Variants in PKN2 observed in about 807,000 individuals in gnomAD.
PKN2 encodes protein kinase N2.
A neutral mutation model predicts 119.1 loss-of-function variants in PKN2; 38 were observed. The observed-to-expected ratio is 0.32, with a 90% confidence interval of 0.25 to 0.42. The LOEUF is 0.42. Ranked by LOEUF, PKN2 falls within the 10% of genes least tolerant of loss-of-function variation. PKN2 has a pLI of 1.00. For synonymous variants in PKN2, 390 were observed against 384.9 expected (o/e 1.01, Z -0.15); for missense variants, 850 against 1,165.1 (o/e 0.73, Z 3.94).
At chr1:88,732,985 GAGAGGACGAGAGGGGAGC>G (rs1668201685) in intron 1 of PKN2, among the ~76,000 whole-genome samples, 1 of 152,140 alleles carries the variant, frequency 6.6e-6, no homozygotes, top group African/African-American at 2.4e-5. Flanking sequence ...TGGTAGTTAT[GAGAGGACGAGAGGGGAGC>G]AGGGAAAAAC....
chr1:88,822,151 G>T (rs1230395045), intron 17 of PKN2, 148 bp downstream of exon 17: 6 of 695,728 alleles, frequency 8.6e-6, no homozygotes, highest in Non-Finnish European at 1.3e-5. Flanking sequence ...GTTGAAAGAC[G>T]TGGTTAGCAC....
At position 88,710,846 on chromosome 1, in the gene PKN2, C is replaced by T. The variant is rs116282898; in HGVS notation, c.48+26218C>T. On this transcript the variant is annotated intron_variant, in intron 1 of 21. Transcript: ENST00000370521. Reference sequence around the variant, plus strand: ...TCATTCTATTATAAAGACACATTCACGCATATGTTCATTGCAGCACTGTTC... The same window carrying T: ...TCATTCTATTATAAAGACACATTCATGCATATGTTCATTGCAGCACTGTTC... Among the ~76,000 whole-genome samples the T allele has an allele frequency of 5.9e-3, 902 of 152,258 alleles. 7 individuals carry two copies. Among genetic ancestry groups the T allele is most frequent in the East Asian group, 0.035 (184 of 5,184 alleles).
At position 88,832,604 on chromosome 1, in the gene PKN2, T is replaced by TTTCTTGTTG. The variant is rs1275039316; in HGVS notation, c.2563-138_2563-137insCTTGTTGTT. The stretch of plus-strand genomic sequence containing the variant: ...TTGTTGTTGTTTTGGTAGGCATGGG[T>TTTCTTGTTG]TTATTGTTGTTGTTGTTGTTGTTGT... On this transcript the variant is annotated intron_variant, in intron 19 of 21. Coordinates refer to ENST00000370521, the MANE Select transcript of PKN2 (RefSeq NM_006256.4). 5 of 567,264 alleles carry TTTCTTGTTG rather than the reference T, an allele frequency of 8.8e-6. No individual in the cohort carries two copies. The African/African-American group carries it at 1.1e-4, about 12-fold the overall frequency. The allele number at this position is 567,264 out of a possible 1,614,324, so 35.1% of individuals were successfully genotyped here. A position where few individuals can be genotyped will look rare whatever the true frequency, so the allele number is the denominator to read the frequency against.
At chr1:88,793,080 G>A (rs1670911638) in intron 8 of PKN2, among the ~76,000 whole-genome samples, 1 of 152,120 alleles carries the variant, frequency 6.6e-6, no homozygotes. Context: ...AGCATTAGGA[G>A]GTGGCTACAA....
chr1:88,691,680 G>C lies in PKN2; in HGVS notation c.48+7052G>C, dbSNP rs543010538. 2.6e-5 allele frequency among the ~76,000 whole-genome samples: 4 copies of C among 152,070 alleles called. No individual in the cohort carries two copies. In the South Asian group the frequency reaches 8.3e-4, roughly 32 times the overall value. ...TCTATTTCCACCTTCTTGTCATCTA[G>C]GTCATCATTTTTGAGTCCTGTGTTC... On this transcript the variant is annotated intron_variant, in intron 1 of 21. Coordinates refer to ENST00000370521, the MANE Select transcript of PKN2 (RefSeq NM_006256.4).
At chr1:88,738,020 G>T (rs1209375470) in intron 1 of PKN2, among the ~76,000 whole-genome samples, 1 of 152,142 alleles carries the variant, frequency 6.6e-6, no homozygotes, top group African/African-American at 2.4e-5. Flanking sequence ...GGAGTCAATC[G>T]CTGGAGAGTC....
At chr1:88,790,641 G>C (rs1338671208) in intron 8 of PKN2, among the ~76,000 whole-genome samples, 7 of 152,118 alleles carry the variant, frequency 4.6e-5, no homozygotes, top group Non-Finnish European at 7.4e-5. Context: ...TTTCACAGTA[G>C]TGTATCTTAC....
chr1:88,792,176 G>A (rs1394476535), intron 8 of PKN2, among the ~76,000 whole-genome samples: 3 of 152,132 alleles, frequency 2.0e-5, no homozygotes, highest in Admixed American at 6.6e-5. Flanking sequence ...AGGCCGAGGC[G>A]GGCGGATCAC....
At chr1:88,805,757 G>C (rs1206087898) in intron 11 of PKN2, 86 bp downstream of exon 11, 3 of 1,598,030 alleles carry the variant, frequency 1.9e-6, no homozygotes, top group Non-Finnish European at 2.6e-6. Context: ...ACTGAGTCTT[G>C]CTTTTTTCCC....
At chr1:88,691,818 C>T (rs1666344972) in intron 1 of PKN2, among the ~76,000 whole-genome samples, 1 of 152,052 alleles carries the variant, frequency 6.6e-6, no homozygotes. Context: ...TTTATAAGTA[C>T]TAAGATACTT....
chr1:88,788,023 GA>G (rs2100834942), intron 8 of PKN2, among the ~76,000 whole-genome samples: 1 of 152,274 alleles, frequency 6.6e-6, no homozygotes, highest in East Asian at 1.9e-4. Context: ...GTAAAAAAGA[GA>G]AGAAAAAATT....
At chr1:88,765,680 C>T (rs1669641417) in intron 3 of PKN2, among the ~76,000 whole-genome samples, 2 of 152,058 alleles carry the variant, frequency 1.3e-5, no homozygotes, top group South Asian at 2.1e-4. Context: ...TCGTCGTCGT[C>T]GTTATAAAAG....
chr1:88,753,011 C>A (rs1314094109), intron 2 of PKN2, among the ~76,000 whole-genome samples: 1 of 151,624 alleles, frequency 6.6e-6, no homozygotes, highest in Non-Finnish European at 1.5e-5. Flanking sequence ...ATTAAAAGTT[C>A]GATTGTTTTG....
intron 1 of PKN2, among the ~76,000 whole-genome samples, chr1:88,716,463 G>A (rs573173263): frequency 3.9e-4 from 59 of 152,314 alleles, no homozygotes; most frequent in African/African-American, 1.4e-3. Flanking sequence ...CTTGCTTTAT[G>A]AATCTGGGTG....
chr1:88,815,641 A>G (rs1182197122), intron 16 of PKN2, among the ~76,000 whole-genome samples: 1 of 152,224 alleles, frequency 6.6e-6, no homozygotes, highest in Non-Finnish European at 1.5e-5. Flanking sequence ...CTTGATTTCT[A>G]GCTTTGTTGT....
intron 3 of PKN2, among the ~76,000 whole-genome samples, chr1:88,762,938 C>A (rs1193623737): frequency 6.6e-6 from 1 of 152,096 alleles, no homozygotes; most frequent in Admixed American, 6.5e-5. Context: ...AGTACAAGTT[C>A]TTAGTGTATT....
At chr1:88,698,461 T>C (rs1425776112) in intron 1 of PKN2, among the ~76,000 whole-genome samples, 1 of 152,236 alleles carries the variant, frequency 6.6e-6, no homozygotes, top group Non-Finnish European at 1.5e-5. Flanking sequence ...AGCACATTAA[T>C]GTTAGCACTT....
intron 15 of PKN2, 82 bp downstream of exon 15, chr1:88,807,857 T>C: frequency 1.3e-6 from 1 of 749,460 alleles, no homozygotes; most frequent in Non-Finnish European, 2.2e-6. Context: ...ACAGCAAAAC[T>C]TTATGATTTT....
intron 2 of PKN2, among the ~76,000 whole-genome samples, chr1:88,745,462 A>G (rs1037023738): frequency 3.3e-5 from 5 of 152,182 alleles, no homozygotes; most frequent in South Asian, 4.1e-4. Flanking sequence ...TATCATTTCT[A>G]TATACTAACT....
Sources: allele counts gnomAD v4.1 joint callset (sites outside exome capture counted in the v4.1 genomes callset), GRCh38; gene constraint gnomAD v4.1.1; transcripts MANE v1.5; gene names NCBI Gene and HGNC (gene_info 2026-07-23, HGNC 2026-07-21).